Variants in ZNF561 observed in about 807,000 individuals in gnomAD.
The protein encoded by ZNF561 is zinc finger protein 561.
Under a neutral mutation model 16.7 loss-of-function variants are expected in ZNF561, and 16 were observed. The observed-to-expected ratio is 0.96, with a 90% CI of 0.65 to 1.45. The LOEUF is 1.45. Among genes scored for constraint, ZNF561 ranks in the 40% most tolerant of loss-of-function variants. The pLI, the probability that ZNF561 is intolerant of heterozygous loss-of-function variation, is 0.00. For synonymous variants in ZNF561, 190 were observed against 192.1 expected, an observed-to-expected ratio of 0.99 and a Z score of 0.09; for missense variants, 580 against 578.0, an observed-to-expected ratio of 1.00 and a Z score of -0.04.
At chr19:9,613,785 G>A (rs533999365) in intron 5 of ZNF561, among the ~76,000 whole-genome samples, 2 of 152,274 alleles carry the variant, frequency 1.3e-5, no homozygotes, top group South Asian at 4.1e-4. Flanking sequence ...CCAAAATGTT[G>A]GGATTACAGG....
intron 1 of ZNF561, 118 bp from the exon 2 acceptor site, chr19:9,619,700 C>A (rs907578839): frequency 2.7e-6 from 1 of 374,542 alleles, no homozygotes; most frequent in East Asian, 4.3e-5. Flanking sequence ...CACTCAGTAC[C>A]GTCACTCAGT....
intron 2 of ZNF561, 85 bp from the exon 3 acceptor site, chr19:9,618,264 T>G (rs947033483): frequency 6.1e-6 from 8 of 1,309,322 alleles, no homozygotes; most frequent in Non-Finnish European, 8.5e-6. Flanking sequence ...CCATCCTAGC[T>G]TGAAATTCCG....
At chr19:9,617,802 T>A (rs181863425) in intron 3 of ZNF561, 2 of 488,778 alleles carry the variant, frequency 4.1e-6, no homozygotes, top group East Asian at 1.2e-4. Context: ...AAGGACACTT[T>A]CATCTGCTTT....
At chr19:9,612,002 G>A (rs115694358) in intron 5 of ZNF561, among the ~76,000 whole-genome samples, 3,169 of 151,708 alleles carry the variant, frequency 0.021, 115 homozygotes, top group African/African-American at 0.072. Flanking sequence ...ATTTCGGCTC[G>A]TTGCAAACTC....
Position 9,618,043 on chromosome 19 carries a change from A to G in ZNF561, c.114+48T>C, listed in dbSNP as rs547049394. On this transcript the variant is annotated intron_variant, in intron 3 of 5. Coordinates refer to ENST00000302851, the MANE Select transcript of ZNF561 (RefSeq NM_152289.3). ...TGTCTAGAAAGAAATCTGTCTACCT[A>G]TTGGATGAAAGCATATCATTTTTAA... 1.9e-5 allele frequency: 29 copies of G among 1,496,176 alleles called. No individual in the cohort carries two copies. The African/African-American group carries it at 3.1e-4, about 16-fold the overall frequency. 92.7% of individuals were successfully genotyped at this position (1,496,176 alleles called of 1,614,324 possible).
intron 4 of ZNF561, among the ~76,000 whole-genome samples, chr19:9,614,698 G>C (rs1459645399): frequency 2.0e-5 from 3 of 152,118 alleles, no homozygotes; most frequent in Non-Finnish European, 4.4e-5. Flanking sequence ...GTATCAGAAT[G>C]ATAAAGTTAA....
intron 5 of ZNF561, among the ~76,000 whole-genome samples, chr19:9,612,280 C>T (rs758362413): frequency 1.3e-5 from 2 of 151,914 alleles, no homozygotes; most frequent in Admixed American, 6.6e-5. Flanking sequence ...GTGCAAGTGG[C>T]GAGATCTTGG....
chr19:9,615,282 A>G (rs1246290403), intron 4 of ZNF561, among the ~76,000 whole-genome samples: 1 of 152,146 alleles, frequency 6.6e-6, no homozygotes, highest in Non-Finnish European at 1.5e-5. Context: ...CCTGTAAAGC[A>G]CTAAAACTTT....
intron 5 of ZNF561, among the ~76,000 whole-genome samples, chr19:9,612,477 C>G (rs1461282796): frequency 6.6e-6 from 1 of 152,174 alleles, no homozygotes; most frequent in Non-Finnish European, 1.5e-5. Context: ...CTCAACCTCC[C>G]AAATTGCTGG....
rs2074391231 is a variant in ZNF561 at position 9,608,585 on chromosome 19, G to A, written c.*1615C>T. On this transcript the variant is annotated 3_prime_UTR_variant, in exon 6 of 6. Transcript: ENST00000302851. Reference sequence around the variant, plus strand: ...CAAACAAAAAAACTAAAAATGTGAAGCAGATTTGAAACTGACAAATGAGGC... The same window carrying A: ...CAAACAAAAAAACTAAAAATGTGAAACAGATTTGAAACTGACAAATGAGGC... The A allele has an allele frequency of 6.6e-6, 1 of 152,180 alleles. No homozygotes were observed. Among genetic ancestry groups the A allele is most frequent in the Non-Finnish European group, 1.5e-5 (1 of 68,042 alleles). 9.4% of individuals were successfully genotyped at this position (152,180 alleles called of 1,614,324 possible). A position where few individuals can be genotyped will look rare whatever the true frequency, so the allele number is the denominator to read the frequency against.
chr19:9,619,412 G>A lies in ZNF561; in HGVS notation c.25+20C>T, dbSNP rs755287367. ...GACCTAAAGCAGAATCTCTGAAAAA[G>A]AGCATCAACAAAGACTTACCACGGG... On this transcript the variant is annotated intron_variant, in intron 2 of 5. Transcript: ENST00000302851. 3 of 1,612,200 alleles carry A rather than the reference G, an allele frequency of 1.9e-6. No individual in the cohort carries two copies. Among genetic ancestry groups the A allele is most frequent in the Non-Finnish European group, 2.5e-6 (3 of 1,178,900 alleles).
intron 3 of ZNF561, 153 bp from the exon 4 acceptor site, chr19:9,617,324 T>C: frequency 7.7e-7 from 1 of 1,305,114 alleles, no homozygotes; most frequent in Non-Finnish European, 9.8e-7. Context: ...AGCTCTTGTG[T>C]CTAAACACTC....
intron 4 of ZNF561, among the ~76,000 whole-genome samples, chr19:9,616,242 A>G (rs2074551202): frequency 1.3e-5 from 2 of 152,170 alleles, no homozygotes; most frequent in Admixed American, 6.6e-5. Context: ...CATCTGCCCT[A>G]TAACAGGCTA....
chr19:9,617,675 G>A (rs1046804202), intron 3 of ZNF561: 7 of 457,080 alleles, frequency 1.5e-5, no homozygotes, highest in Admixed American at 4.7e-5. Flanking sequence ...CACTGCTTAC[G>A]CTTGATCTCA....
intron 3 of ZNF561, 43 bp downstream of exon 3, chr19:9,618,048 A>G (rs1283766071): frequency 6.6e-7 from 1 of 1,510,448 alleles, no homozygotes; most frequent in South Asian, 1.2e-5. Context: ...TACCTATTGG[A>G]TGAAAGCATA....
Position 9,618,920 on chromosome 19 carries a change from C to G in ZNF561, c.25+512G>C, listed in dbSNP as rs188175068. ...TCACTTGAGGTCAGGAATTTGAGAC[C>G]AGCCTGGCCAACATTATGAAACCCC... On this transcript the variant is annotated intron_variant, in intron 2 of 5. Coordinates refer to ENST00000302851, the MANE Select transcript of ZNF561 (RefSeq NM_152289.3). Among the ~76,000 whole-genome samples, 656 of 152,136 alleles carry G rather than the reference C, an allele frequency of 4.3e-3. 13 individuals are homozygous for G. Among genetic ancestry groups the G allele is most frequent in the East Asian group, 2.3e-3 (12 of 5,182 alleles).
intron 4 of ZNF561, chr19:9,614,393 G>A (rs975155852): frequency 1.7e-5 from 5 of 292,082 alleles, no homozygotes; most frequent in African/African-American, 2.2e-5. Flanking sequence ...TGGATCACTT[G>A]AGGTCAGGAG....
chr19:9,617,573 T>A (rs965332039), intron 3 of ZNF561: 1 of 420,864 alleles, frequency 2.4e-6, no homozygotes, highest in African/African-American at 2.0e-5. Flanking sequence ...CAGGCACAAC[T>A]GCTGATTACT....
rs755287367 is a variant in ZNF561 at position 9,619,412 on chromosome 19, G to C, written c.25+20C>G. The C allele has an allele frequency of 1.2e-5, 20 of 1,612,200 alleles. No homozygotes were observed. Among genetic ancestry groups the C allele is most frequent in the Non-Finnish European group, 1.7e-5 (20 of 1,178,900 alleles). On this transcript the variant is annotated intron_variant, in intron 2 of 5. Transcript: ENST00000302851. ...GACCTAAAGCAGAATCTCTGAAAAA[G>C]AGCATCAACAAAGACTTACCACGGG... is the stretch of plus-strand genomic sequence containing the variant.
Sources: gnomAD v4.1 joint callset for allele counts (sites outside exome capture counted in the v4.1 genomes callset) on GRCh38, gnomAD v4.1.1 for gene constraint, MANE v1.5 for transcripts, NCBI Gene and HGNC (gene_info 2026-07-23, HGNC 2026-07-21) for gene names.